DACH1: variants seen among roughly 807,000 people sequenced by gnomAD.
The protein encoded by DACH1 is dachshund family transcription factor 1.
DACH1 carries 12 observed loss-of-function variants against 54.2 expected under a neutral mutation model. That is an observed-to-expected ratio of 0.22 (90% CI 0.14 to 0.36). The LOEUF (loss-of-function observed/expected upper bound fraction) is 0.36, where lower values mean the gene tolerates loss of function less well. Among genes scored for constraint, DACH1 ranks in the 10% least tolerant of loss-of-function variants. The probability of loss-of-function intolerance (pLI) is 1.00; values close to 1 mark genes in which losing one functional copy is unlikely to be tolerated. For missense variants in DACH1, 805 were observed against 929.8 expected, an observed-to-expected ratio of 0.87 and a Z score of 1.75; for synonymous variants, 386 against 366.2, an observed-to-expected ratio of 1.05 and a Z score of -0.62.
intron 1 of DACH1, among the ~76,000 whole-genome samples, chr13:71,712,168 T>C (rs1325443062): frequency 6.6e-6 from 1 of 152,142 alleles, no homozygotes; most frequent in Non-Finnish European, 1.5e-5. Context: ...ATGTCTTTAC[T>C]GAAGAAATAT....
At chr13:71,827,655 G>C (rs1888431212) in intron 1 of DACH1, among the ~76,000 whole-genome samples, 1 of 151,988 alleles carries the variant, frequency 6.6e-6, no homozygotes, top group Non-Finnish European at 1.5e-5. Flanking sequence ...AAAAACATTG[G>C]ATTCACCTTC....
chr13:71,598,822 G>A (rs1052900895), intron 3 of DACH1, among the ~76,000 whole-genome samples: 4 of 152,098 alleles, frequency 2.6e-5, no homozygotes, highest in Non-Finnish European at 4.4e-5. Flanking sequence ...CTCCCTCGGC[G>A]ATGGTGAAAA....
intron 3 of DACH1, 130 bp downstream of exon 3, chr13:71,630,426 A>T (rs1361327287): frequency 2.2e-6 from 3 of 1,384,742 alleles, no homozygotes; most frequent in Non-Finnish European, 2.8e-6. Context: ...GTATCCTCAA[A>T]CATACAGTGT....
rs1886249546 is a variant in DACH1 at position 71,779,246 on chromosome 13, CGTATAT to C, written c.848+86670_848+86675del. Among the ~76,000 whole-genome samples, 3 of 72,724 alleles carry C rather than the reference CGTATAT, an allele frequency of 4.1e-5. No individual in the cohort carries two copies. In the Admixed American group the frequency reaches 4.7e-4, roughly 11 times the overall value. 47.7% of individuals were successfully genotyped at this position (72,724 alleles called of 152,430 possible). A position where few individuals can be genotyped will look rare whatever the true frequency, so the allele number is the denominator to read the frequency against. On this transcript the variant is annotated intron_variant, in intron 1 of 10. Coordinates refer to ENST00000613252, the MANE Select transcript of DACH1 (RefSeq NM_080759.6). Reference sequence around the variant, plus strand: ...ATATACGTATATATACACATATATACGTATATACGTATATATGTGTATATATACGTA... The same window carrying C: ...ATATACGTATATATACACATATATACACGTATATATGTGTATATATACGTA...
chr13:71,569,082 T>G (rs1885052465), intron 4 of DACH1, among the ~76,000 whole-genome samples: 2 of 152,136 alleles, frequency 1.3e-5, no homozygotes, highest in Admixed American at 6.6e-5. Context: ...GTAAAGCAAA[T>G]AACAATGCCA....
At chr13:71,706,459 CAT>C (rs1344762827) in intron 1 of DACH1, among the ~76,000 whole-genome samples, 1 of 151,942 alleles carries the variant, frequency 6.6e-6, no homozygotes, top group Non-Finnish European at 1.5e-5. Context: ...AACAATAAGA[CAT>C]AATTTCCCAG....
At chr13:71,483,821 C>T (rs1878263512) in intron 7 of DACH1, among the ~76,000 whole-genome samples, 1 of 151,970 alleles carries the variant, frequency 6.6e-6, no homozygotes, top group South Asian at 2.1e-4. Context: ...TATTGTGTTA[C>T]AGTTGTCTAC....
intron 6 of DACH1, among the ~76,000 whole-genome samples, chr13:71,551,355 T>C (rs1208400971): frequency 6.6e-6 from 1 of 152,144 alleles, no homozygotes; most frequent in African/African-American, 2.4e-5. Flanking sequence ...AAATATACAA[T>C]AGATTGCTGT....
intron 2 of DACH1, among the ~76,000 whole-genome samples, chr13:71,642,829 TG>T (rs1210513575): frequency 6.6e-6 from 1 of 152,018 alleles, no homozygotes; most frequent in Non-Finnish European, 1.5e-5. Context: ...GAGACCAGCC[TG>T]GCCAACACAG....
intron 1 of DACH1, among the ~76,000 whole-genome samples, chr13:71,829,516 T>G (rs938739355): frequency 1.3e-5 from 2 of 151,992 alleles, no homozygotes; most frequent in Admixed American, 1.3e-4. Context: ...CTTTATATAC[T>G]TATTTCCTCC....
intron 6 of DACH1, among the ~76,000 whole-genome samples, chr13:71,520,574 A>T (rs975323956): frequency 2.6e-5 from 4 of 151,614 alleles, no homozygotes; most frequent in Non-Finnish European, 4.4e-5. Context: ...TATTGATTAC[A>T]ATCAAAATAA....
intron 1 of DACH1, among the ~76,000 whole-genome samples, chr13:71,815,093 A>G (rs1459607184): frequency 1.3e-5 from 2 of 152,226 alleles, no homozygotes; most frequent in African/African-American, 4.8e-5. Flanking sequence ...ATATGGAGTT[A>G]ATGACTACAA....
intron 1 of DACH1, among the ~76,000 whole-genome samples, chr13:71,750,657 T>G (rs1386541453): frequency 1.3e-5 from 2 of 152,212 alleles, no homozygotes; most frequent in African/African-American, 2.4e-5. Context: ...TGCATGGCTT[T>G]TTGATATTTT....
At chr13:71,763,234 G>A (rs1364996137) in intron 1 of DACH1, among the ~76,000 whole-genome samples, 1 of 152,132 alleles carries the variant, frequency 6.6e-6, no homozygotes, top group Admixed American at 6.5e-5. Flanking sequence ...CTGAGGCATG[G>A]AGCCATGAAG....
Position 71,559,803 on chromosome 13 carries a change from A to G in DACH1, c.1435+17T>C, listed in dbSNP as rs1379408591. 1 of 1,613,616 alleles carries G rather than the reference A, an allele frequency of 6.2e-7. No homozygotes were observed. The highest frequency in any genetic ancestry group is 1.7e-5 in the Admixed American group (1 of 59,986). ...AATAAAGTTTAAAATGGTGACAAGT[A>G]GAAGTATGAGACCTACGGATTCTGT... On this transcript the variant is annotated intron_variant, in intron 5 of 10. Transcript: ENST00000613252.
intron 3 of DACH1, among the ~76,000 whole-genome samples, chr13:71,587,633 A>G (rs892253089): frequency 1.3e-5 from 2 of 152,038 alleles, no homozygotes; most frequent in African/African-American, 4.8e-5. Flanking sequence ...TAATTACCAA[A>G]TCATGTTTTA....
intron 10 of DACH1, among the ~76,000 whole-genome samples, chr13:71,464,977 A>G (rs1417365901): frequency 6.6e-6 from 1 of 152,098 alleles, no homozygotes; most frequent in East Asian, 1.9e-4. Flanking sequence ...AGAAAGTGTG[A>G]CACAAGACAA....
intron 3 of DACH1, among the ~76,000 whole-genome samples, chr13:71,615,916 A>G (rs1875725438): frequency 6.6e-6 from 1 of 152,178 alleles, no homozygotes; most frequent in Non-Finnish European, 1.5e-5. Flanking sequence ...TGTATCAAGC[A>G]GTGTTCAGAG....
rs141601486 is a variant in DACH1 at position 71,569,288 on chromosome 13, C to T, written c.1299+3552G>A. Among the ~76,000 whole-genome samples the T allele has an allele frequency of 5.3e-3, 806 of 152,068 alleles. 4 individuals carry two copies. The highest frequency in any genetic ancestry group is 8.7e-3 in the Non-Finnish European group (591 of 67,940). On this transcript the variant is annotated intron_variant, in intron 4 of 10. Coordinates refer to ENST00000613252, the MANE Select transcript of DACH1 (RefSeq NM_080759.6). The stretch of plus-strand genomic sequence containing the variant: ...ATAATCAGAGGTCTAACACAGGTAT[C>T]GACAAACTTTTTTGGTAAAAGGCCA...
Sources: gnomAD v4.1 joint callset for allele counts (sites outside exome capture counted in the v4.1 genomes callset) on GRCh38, gnomAD v4.1.1 for gene constraint, MANE v1.5 for transcripts, NCBI Gene and HGNC (gene_info 2026-07-23, HGNC 2026-07-21) for gene names.